CPT1A: variants seen among roughly 807,000 people sequenced by gnomAD.
CPT1A encodes carnitine palmitoyltransferase 1A.
A neutral mutation model predicts 100.8 loss-of-function variants in CPT1A; 64 were observed. The observed-to-expected ratio is 0.63, with a 90% CI of 0.52 to 0.78. The LOEUF (loss-of-function observed/expected upper bound fraction) is 0.78, where lower values mean the gene tolerates loss of function less well. Ranked by LOEUF, CPT1A falls within the 30% of genes least tolerant of loss-of-function variation. The pLI is 0.00. For missense variants in CPT1A, 802 were observed against 1,034.1 expected (o/e 0.78, Z 3.08); for synonymous variants, 363 against 396.0 (o/e 0.92, Z 0.99).
chr11:68,786,624 G>A (rs535925323), intron 9 of CPT1A, among the ~76,000 whole-genome samples: 2 of 152,138 alleles, frequency 1.3e-5, no homozygotes, highest in Non-Finnish European at 2.9e-5. Context: ...TCCGCCTCCC[G>A]GGTTCAAGCT....
intron 16 of CPT1A, among the ~76,000 whole-genome samples, chr11:68,761,116 G>A (rs190402451): frequency 9.2e-5 from 14 of 151,562 alleles, no homozygotes; most frequent in Middle Eastern, 3.4e-3. Flanking sequence ...GGCTAAGGAC[G>A]AAGAATTGCT....
intron 1 of CPT1A, among the ~76,000 whole-genome samples, chr11:68,824,790 G>C (rs1483945741): frequency 1.7e-5 from 2 of 118,474 alleles, no homozygotes; most frequent in South Asian, 5.9e-4. Context: ...ACATGCAATT[G>C]TATCTTTTTT....
chr11:68,771,540 TCA>T (rs1265688246), intron 14 of CPT1A, among the ~76,000 whole-genome samples: 2 of 152,200 alleles, frequency 1.3e-5, no homozygotes, highest in Non-Finnish European at 2.9e-5. Flanking sequence ...CAATGATCTG[TCA>T]CAGACAGGAG....
At chr11:68,760,618 T>C (rs1257312871) in intron 16 of CPT1A, among the ~76,000 whole-genome samples, 1 of 152,112 alleles carries the variant, frequency 6.6e-6, no homozygotes, top group African/African-American at 2.4e-5. Context: ...GGAGTAAGAT[T>C]CGGAACGGGG....
At chr11:68,766,185 C>A (rs542326466) in intron 14 of CPT1A, among the ~76,000 whole-genome samples, 3 of 151,840 alleles carry the variant, frequency 2.0e-5, no homozygotes, top group Non-Finnish European at 4.4e-5. Context: ...TTGTGCATAA[C>A]CTTGAAGGAC....
chr11:68,803,312 A>G (rs1036206988), intron 5 of CPT1A, among the ~76,000 whole-genome samples: 6 of 152,248 alleles, frequency 3.9e-5, no homozygotes, highest in Admixed American at 2.0e-4. Flanking sequence ...CAGATTGGCA[A>G]ATCCAGAGGC....
intron 1 of CPT1A, among the ~76,000 whole-genome samples, chr11:68,838,582 A>ACAAAAAAAAAAAAAAAAC (rs1566394917): frequency 6.9e-6 from 1 of 145,290 alleles, no homozygotes; most frequent in African/African-American, 2.6e-5. Flanking sequence ...TAAAAAAAAA[A>ACAAAAAAAAAAAAAAAAC]AAAAAAAAAC....
chr11:68,832,325 C>CT (rs1856900025), intron 1 of CPT1A, among the ~76,000 whole-genome samples: 2 of 152,134 alleles, frequency 1.3e-5, no homozygotes, highest in Non-Finnish European at 2.9e-5. Context: ...TGGCATGCAC[C>CT]CGTAGTCCCA....
At chr11:68,813,046 ATACTC>A (rs1856262290) in intron 2 of CPT1A, among the ~76,000 whole-genome samples, 1 of 151,358 alleles carries the variant, frequency 6.6e-6, no homozygotes, top group African/African-American at 2.4e-5. Flanking sequence ...TTGCTGTAAA[ATACTC>A]CAGCCAAAAA....
At chr11:68,833,848 A>G (rs1856943605) in intron 1 of CPT1A, among the ~76,000 whole-genome samples, 1 of 152,168 alleles carries the variant, frequency 6.6e-6, no homozygotes, top group African/African-American at 2.4e-5. Flanking sequence ...AGAAAGGTGA[A>G]GGATTTTCAT....
chr11:68,802,774 G>A (rs1421946750), intron 5 of CPT1A, among the ~76,000 whole-genome samples: 3 of 151,420 alleles, frequency 2.0e-5, no homozygotes, highest in Non-Finnish European at 4.4e-5. Context: ...GCATGCACCT[G>A]TAGTCCCAGC....
chr11:68,762,557 T>C, intron 15 of CPT1A, 70 bp downstream of exon 15: 1 of 1,580,254 alleles, frequency 6.3e-7, no homozygotes, highest in Admixed American at 1.7e-5. Flanking sequence ...GAAGCTGGAG[T>C]GATGGCCTCC....
intron 6 of CPT1A, 90 bp from the exon 7 acceptor site, chr11:68,797,023 G>A: frequency 2.3e-6 from 3 of 1,286,446 alleles, no homozygotes; most frequent in Non-Finnish European, 3.3e-6. Context: ...GGGAAGGGCA[G>A]GCAGTGCTTT....
chr11:68,815,108 GC>G (rs879504538), intron 2 of CPT1A, among the ~76,000 whole-genome samples: 1 of 152,112 alleles, frequency 6.6e-6, no homozygotes, highest in Non-Finnish European at 1.5e-5. Context: ...CGATTTCCCA[GC>G]CTGCTTTAAC....
Position 68,841,828 on chromosome 11 carries a change from G to T in CPT1A, c.-67C>A. ...CAGCGGCAGCGGCGGCGGCGGCGGC[G>T]GCGGTGGAGTGAACGAGCGGCGAGC... On this transcript the variant is annotated 5_prime_UTR_variant, in exon 1 of 19. Coordinates refer to ENST00000265641, the MANE Select transcript of CPT1A (RefSeq NM_001876.4). This position sits in a 1 kb window ranked among gnomAD's most constrained non-coding sequence, Gnocchi z 6.3. 1 of 998,162 alleles carries T rather than the reference G, an allele frequency of 1.0e-6. No individual in the cohort carries two copies. The highest frequency in any genetic ancestry group is 1.7e-5 in the African/African-American group (1 of 57,260). 61.8% of individuals were successfully genotyped at this position (998,162 alleles called of 1,614,324 possible).
chr11:68,763,783 G>C (rs1854706322), intron 14 of CPT1A, among the ~76,000 whole-genome samples: 1 of 152,298 alleles, frequency 6.6e-6, no homozygotes, highest in Admixed American at 6.5e-5. Context: ...CTCACTCGTG[G>C]GGAGGGGAGA....
Position 68,771,427 on chromosome 11 carries a change from G to A in CPT1A, c.1740+1838C>T, listed in dbSNP as rs549247060. 3.3e-5 allele frequency among the ~76,000 whole-genome samples: 5 copies of A among 152,270 alleles called. No homozygotes were observed. The East Asian group carries it at 9.7e-4, about 29-fold the overall frequency. On this transcript the variant is annotated intron_variant, in intron 14 of 18. Coordinates refer to ENST00000265641, the MANE Select transcript of CPT1A (RefSeq NM_001876.4). ...CTGCTTGCATGCCCTCATACTGCAC[G>A]TTTACGGGCAAAATCTGCTCATCAA...
chr11:68,805,865 C>T (rs949495969), intron 4 of CPT1A, among the ~76,000 whole-genome samples: 7 of 152,128 alleles, frequency 4.6e-5, no homozygotes, highest in African/African-American at 1.7e-4. Context: ...AGCCCAAGGC[C>T]CAGGGCCATG....
rs182081055 is a variant in CPT1A at position 68,779,027 on chromosome 11, G to A, written c.1458+1613C>T. ...TCTCGTTCTCCTGACCTCGTGATCCGCCTGCCTCGGCCTCCCAAAGGGCTG... is the reference window on the plus strand; with the variant it reads ...TCTCGTTCTCCTGACCTCGTGATCCACCTGCCTCGGCCTCCCAAAGGGCTG... On this transcript the variant is annotated intron_variant, in intron 12 of 18. Coordinates refer to ENST00000265641, the MANE Select transcript of CPT1A (RefSeq NM_001876.4). Among the ~76,000 whole-genome samples, 485 of 152,048 alleles carry A rather than the reference G, an allele frequency of 3.2e-3. 21 individuals are homozygous for A. The East Asian group carries it at 0.071, about 22-fold the overall frequency.
Sources: allele counts gnomAD v4.1 joint callset (sites outside exome capture counted in the v4.1 genomes callset), GRCh38; gene constraint gnomAD v4.1.1; non-coding constraint Gnocchi (gnomAD v3.1); transcripts MANE v1.5; gene names NCBI Gene and HGNC (gene_info 2026-07-23, HGNC 2026-07-21).